The following GAGE1 variants were observed in gnomAD, a reference collection of about 807,000 sequenced individuals.
GAGE1 encodes G antigen 4.
Under a neutral mutation model 5.0 loss-of-function variants are expected in GAGE1, and 5 were observed. The observed-to-expected ratio is 1.00, with a 90% confidence interval of 0.52 to 2.11. GAGE1 has a LOEUF of 2.11. Ranked by LOEUF, GAGE1 falls within the 30% of genes most tolerant of loss-of-function variation. GAGE1 has a pLI of 0.01. For synonymous variants in GAGE1, 6 were observed against 14.8 expected (o/e 0.40, Z 1.37); for missense variants, 9 against 38.9 (o/e 0.23, Z 2.04).
At position 49,606,176 on chromosome X, in the gene GAGE1, A is replaced by G; in HGVS notation, c.*161A>G. 3.4e-6 allele frequency: 1 copy of G among 291,158 alleles called. No individual in the cohort carries two copies. 24.0% of individuals were successfully genotyped at this position (291,158 alleles called of 1,213,427 possible). On this transcript the variant is annotated 3_prime_UTR_variant, in exon 5 of 5. Coordinates refer to ENST00000381700, the MANE Select transcript of GAGE1 (RefSeq NM_001040663.4). ...TGCTGTGAAATGTTTCATTCTTTGC[A>G]ATTTTGTATTCTATCTCCTTGAGCT...
Position 49,606,088 on chromosome X carries a change from CT to C in GAGE1, c.*76del, listed in dbSNP as rs1403405045. The C allele has an allele frequency of 1.5e-6, 1 of 647,437 alleles. No homozygotes were observed. The highest frequency in any genetic ancestry group is 3.9e-5 in the East Asian group (1 of 25,968). The allele number at this position is 647,437 out of a possible 1,213,427, so 53.4% of individuals were successfully genotyped here. On this transcript the variant is annotated 3_prime_UTR_variant, in exon 5 of 5. Transcript: ENST00000381700. ...CTTCATTGAAGTTCTCCCAATAAAG[CT>C]TTACAGCCTTCTGCAAAGAAGTCTT...
chrX:49,605,908 A>AAATAAG lies in GAGE1; in HGVS notation c.332-80_332-79insGAATAA, dbSNP rs1557132141. 2.6e-5 allele frequency: 8 copies of AAATAAG among 308,787 alleles called. No homozygotes were observed. The African/African-American group carries it at 2.7e-4, about 10-fold the overall frequency. 25.4% of individuals were successfully genotyped at this position (308,787 alleles called of 1,213,427 possible). A position where few individuals can be genotyped will look rare whatever the true frequency, so the allele number is the denominator to read the frequency against. ...GGGCAACAGAGTGAGACTCCATCTA[A>AAATAAG]AATAATAATAATAATAATAATAATA... On this transcript the variant is annotated intron_variant, in intron 4 of 4. Coordinates refer to ENST00000381700, the MANE Select transcript of GAGE1 (RefSeq NM_001040663.4).
intron 3 of GAGE1, among the ~76,000 whole-genome samples, chrX:49,602,076 C>A (rs1198057722): frequency 9.2e-6 from 1 of 109,036 alleles, no homozygotes; most frequent in Admixed American, 9.8e-5. Flanking sequence ...CTTGGGAGGC[C>A]GAGGTGAGAG....
intron 4 of GAGE1, chrX:49,605,007 C>G (rs369241327): frequency 9.3e-5 from 92 of 992,842 alleles, no homozygotes; most frequent in South Asian, 1.5e-4. Flanking sequence ...GAGATGAGGT[C>G]TCACTATGTT....
chrX:49,604,272 T>G (rs1332041455), intron 4 of GAGE1, among the ~76,000 whole-genome samples: 3 of 112,806 alleles, frequency 2.7e-5, no homozygotes, highest in African/African-American at 6.4e-5. Context: ...GACTTTCAGA[T>G]AGGGAAACAA....
At chrX:49,604,770 G>T (rs1288980287) in intron 4 of GAGE1, among the ~76,000 whole-genome samples, 2 of 111,937 alleles carry the variant, frequency 1.8e-5, no homozygotes, top group South Asian at 3.8e-4. Context: ...TGAATACGTA[G>T]TGTAAGATCT....
chrX:49,606,218 T>A lies in GAGE1; in HGVS notation c.*203T>A. 1 of 245,801 alleles carries A rather than the reference T, an allele frequency of 4.1e-6. No homozygotes were observed. The highest frequency in any genetic ancestry group is 7.6e-6 in the Non-Finnish European group (1 of 131,163). The allele number at this position is 245,801 out of a possible 1,213,427, so 20.3% of individuals were successfully genotyped here. A position where few individuals can be genotyped will look rare whatever the true frequency, so the allele number is the denominator to read the frequency against. ...CCTTGAGCTGTGTGTAGAGGCATAA[T>A]TCTCATGTATTGATTTTCTATCCAG... On this transcript the variant is annotated 3_prime_UTR_variant, in exon 5 of 5. Transcript: ENST00000381700.
chrX:49,605,194 C>T (rs1439744372), intron 4 of GAGE1: 5 of 895,491 alleles, frequency 5.6e-6, no homozygotes, highest in East Asian at 6.4e-5. Context: ...GCTATGCATG[C>T]TCCCTGCCCC....
chrX:49,604,204 A>G (rs782200713), intron 4 of GAGE1, among the ~76,000 whole-genome samples: 56 of 112,633 alleles, frequency 5.0e-4, no homozygotes, highest in African/African-American at 1.7e-3. Flanking sequence ...TCTTTAGTAA[A>G]GAGTTCTTAT....
intron 4 of GAGE1, among the ~76,000 whole-genome samples, chrX:49,604,293 A>C (rs1437677108): frequency 1.8e-5 from 2 of 112,798 alleles, no homozygotes; most frequent in East Asian, 2.8e-4. Context: ...GCTGAGTCAA[A>C]GGTATGTTGA....
intron 4 of GAGE1, among the ~76,000 whole-genome samples, chrX:49,605,434 C>G (rs782737181): frequency 8.9e-6 from 1 of 112,182 alleles, no homozygotes; most frequent in Admixed American, 9.5e-5. Context: ...TTGCTTGTGA[C>G]TTGAAAGGAA....
chrX:49,603,590 C>G, intron 3 of GAGE1, 78 bp from the exon 4 acceptor site: 1 of 1,210,543 alleles, frequency 8.3e-7, no homozygotes, highest in Non-Finnish European at 1.1e-6. Flanking sequence ...TATAATAATA[C>G]CGAGAGCATG....
rs1480489919 is a variant in GAGE1, at chrX:49,607,768, A to G, written c.*1753A>G. On this transcript the variant is annotated 3_prime_UTR_variant, in exon 5 of 5. Transcript: ENST00000381700. ...GTGCTGTGTGGCTGAGAATGGGCTGACTGACCCTAGATCTGTGTATAATTA... is the reference window on the plus strand; with the variant it reads ...GTGCTGTGTGGCTGAGAATGGGCTGGCTGACCCTAGATCTGTGTATAATTA... 4 of 111,759 alleles carry G rather than the reference A, an allele frequency of 3.6e-5. No homozygotes were observed. Among genetic ancestry groups the G allele is most frequent in the Non-Finnish European group, 7.5e-5 (4 of 53,235 alleles). The allele number at this position is 111,759 out of a possible 1,213,427, so 9.2% of individuals were successfully genotyped here.
At position 49,607,175 on chromosome X, in the gene GAGE1, C is replaced by T. The variant is rs922486610; in HGVS notation, c.*1160C>T. ...TAGAGATGGTATTTTTTCATGTTGC[C>T]CAGGCTGGTTTTATACTCCTAATCT... On this transcript the variant is annotated 3_prime_UTR_variant, in exon 5 of 5. Transcript: ENST00000381700. 3 of 110,703 alleles carry T rather than the reference C, an allele frequency of 2.7e-5. No individual in the cohort carries two copies. Among genetic ancestry groups the T allele is most frequent in the Non-Finnish European group, 5.7e-5 (3 of 52,980 alleles). 9.1% of individuals were successfully genotyped at this position (110,703 alleles called of 1,213,427 possible).
intron 4 of GAGE1, among the ~76,000 whole-genome samples, 170 bp from the exon 5 acceptor site, chrX:49,605,823 C>T (rs1292806430): frequency 1.4e-4 from 15 of 109,090 alleles, no homozygotes; most frequent in Non-Finnish European, 2.5e-4. Flanking sequence ...GTAGGAGAAT[C>T]GCTTGAACCC....
chrX:49,606,447 C>G lies in GAGE1; in HGVS notation c.*432C>G, dbSNP rs1306238189. 9.0e-6 allele frequency: 1 copy of G among 111,617 alleles called. No individual in the cohort carries two copies. Among genetic ancestry groups the G allele is most frequent in the Non-Finnish European group, 1.9e-5 (1 of 53,303 alleles). The allele number at this position is 111,617 out of a possible 1,213,427, so 9.2% of individuals were successfully genotyped here. A position where few individuals can be genotyped will look rare whatever the true frequency, so the allele number is the denominator to read the frequency against. On this transcript the variant is annotated 3_prime_UTR_variant, in exon 5 of 5. Transcript: ENST00000381700. ...TGAACTCCTGAGCGCAAGTAATCCA[C>G]TCTCCTTGGCCTTTCAAAGTGTTGG... is the stretch of plus-strand genomic sequence containing the variant.
In GAGE1 at chrX:49,606,657, T is replaced by A. The variant is rs1473295349; in HGVS notation, c.*642T>A. 1 of 112,499 alleles carries A rather than the reference T, an allele frequency of 8.9e-6. No individual in the cohort carries two copies. The highest frequency in any genetic ancestry group is 1.9e-5 in the Non-Finnish European group (1 of 53,377). 9.3% of individuals were successfully genotyped at this position (112,499 alleles called of 1,213,427 possible). ...TTCACGACAATATTTAGTGTACTTT[T>A]TTTGTAGATGGACTTTTTCAGAGTA... On this transcript the variant is annotated 3_prime_UTR_variant, in exon 5 of 5. Coordinates refer to ENST00000381700, the MANE Select transcript of GAGE1 (RefSeq NM_001040663.4).
chrX:49,604,414 G>T (rs1431980812), intron 4 of GAGE1, among the ~76,000 whole-genome samples: 1 of 112,283 alleles, frequency 8.9e-6, no homozygotes, highest in Admixed American at 9.4e-5. Context: ...CCCATCACTT[G>T]GTGTGAAAAA....
In GAGE1 at chrX:49,606,226, T is replaced by C; in HGVS notation, c.*211T>C. On this transcript the variant is annotated 3_prime_UTR_variant, in exon 5 of 5. Coordinates refer to ENST00000381700, the MANE Select transcript of GAGE1 (RefSeq NM_001040663.4). ...TGTGTGTAGAGGCATAATTCTCATGTATTGATTTTCTATCCAGCAACCTTG... is the reference window on the plus strand; with the variant it reads ...TGTGTGTAGAGGCATAATTCTCATGCATTGATTTTCTATCCAGCAACCTTG... 1 of 245,537 alleles carries C rather than the reference T, an allele frequency of 4.1e-6. No homozygotes were observed. The highest frequency in any genetic ancestry group is 7.6e-6 in the Non-Finnish European group (1 of 131,366). 20.2% of individuals were successfully genotyped at this position (245,537 alleles called of 1,213,427 possible).
Sources: gnomAD v4.1 joint callset for allele counts (sites outside exome capture counted in the v4.1 genomes callset) on GRCh38, gnomAD v4.1.1 for gene constraint, MANE v1.5 for transcripts, NCBI Gene and HGNC (gene_info 2026-07-23, HGNC 2026-07-21) for gene names.